FCER1A: variants seen among roughly 807,000 people sequenced by gnomAD.
The protein encoded by FCER1A is high affinity immunoglobulin epsilon receptor subunit alpha.
Under a neutral mutation model 23.6 loss-of-function variants are expected in FCER1A, and 24 were observed. The observed-to-expected ratio is 1.02, with a 90% CI of 0.74 to 1.43. FCER1A has a LOEUF of 1.43. Ranked by LOEUF, FCER1A falls within the 40% of genes most tolerant of loss-of-function variation. The pLI is 0.00. For missense variants in FCER1A, 318 were observed against 294.5 expected (o/e 1.08, Z -0.58); for synonymous variants, 121 against 108.8 (o/e 1.11, Z -0.70).
In FCER1A at chr1:159,303,943, A is replaced by G. The variant is rs1307481439; in HGVS notation, c.92A>G (p.Lys31Arg). ...DGVLAVPQKPKVSLNPPWNRI... is the reference protein window; with the variant it reads ...DGVLAVPQKPRVSLNPPWNRI... Reference sequence around the variant, plus strand: ...CTTCTTGAAGTCCCTCAGAAACCTAAGGTCTCCTTGAACCCTCCATGGAAT... The same window carrying G: ...CTTCTTGAAGTCCCTCAGAAACCTAGGGTCTCCTTGAACCCTCCATGGAAT... Residue 31 changes from lysine to arginine, a missense_variant, in exon 3 of 5, where the codon AAG (lysine) becomes AGG (arginine). Physicochemically the swap from Lys to Arg is conservative, Grantham distance 26. Transcript: ENST00000693622. 1 of 1,611,940 alleles carries G rather than the reference A, an allele frequency of 6.2e-7. No homozygotes were observed. Among genetic ancestry groups the G allele is most frequent in the East Asian group, 2.2e-5 (1 of 44,852 alleles).
rs1273347243 is a variant in FCER1A at position 159,303,950 on chromosome 1, C to CT, written c.101dup (p.Leu34PhefsTer7). ...AAGTCCCTCAGAAACCTAAGGTCTC[C>CT]TTGAACCCTCCATGGAATAGAATAT... On this transcript the variant is annotated frameshift_variant, in exon 3 of 5. Coordinates refer to ENST00000693622, the MANE Select transcript of FCER1A (RefSeq NM_001387280.1). LOFTEE classifies it high-confidence loss of function. 1 of 1,612,826 alleles carries CT rather than the reference C, an allele frequency of 6.2e-7. No individual in the cohort carries two copies. Among genetic ancestry groups the CT allele is most frequent in the Non-Finnish European group, 8.5e-7 (1 of 1,178,918 alleles).
chr1:159,306,334 G>A (rs2102234527), intron 4 of FCER1A, 89 bp downstream of exon 4: 1 of 1,303,414 alleles, frequency 7.7e-7, no homozygotes, highest in Non-Finnish European at 1.1e-6. Flanking sequence ...TGTAGAAGGG[G>A]GGCACCTGTG....
rs537197465 is a variant in FCER1A at position 159,306,188 on chromosome 1, G to T, written c.532G>T (p.Gly178Cys). ...AGACAGTGGAACCTACTACTGTACG[G>T]GCAAAGTGTGGCAGCTGGACTATGA... Reference protein sequence around the residue: ...VEDSGTYYCTGKVWQLDYESE... With the variant: ...VEDSGTYYCTCKVWQLDYESE... Residue 178 changes from glycine (G) to cysteine (C), a missense_variant, in exon 4 of 5, where the codon GGC (glycine) becomes TGC (cysteine). Gly to Cys is a radical substitution (Grantham distance 159, BLOSUM62 -3). Transcript: ENST00000693622. The T allele has an allele frequency of 6.2e-7, 1 of 1,613,878 alleles. No individual in the cohort carries two copies. The highest frequency in any genetic ancestry group is 1.7e-5 in the Admixed American group (1 of 60,006).
intron 1 of FCER1A, among the ~76,000 whole-genome samples, chr1:159,292,949 A>G (rs1571075827): frequency 6.6e-6 from 1 of 152,014 alleles, no homozygotes; most frequent in East Asian, 1.9e-4. Context: ...TCTCGGTGCC[A>G]CCTCGGGAAT....
In FCER1A at chr1:159,306,251, T is replaced by A; in HGVS notation, c.589+6T>A. 1 of 1,611,368 alleles carries A rather than the reference T, an allele frequency of 6.2e-7. No individual in the cohort carries two copies. Among genetic ancestry groups the A allele is most frequent in the Non-Finnish European group, 8.5e-7 (1 of 1,178,626 alleles). On this transcript the variant is annotated splice_donor_region_variant and intron_variant, in intron 4 of 4. Transcript: ENST00000693622. ...CAACATTACTGTAATAAAAGGTGAG[T>A]TGGTAAAGGAAAGGAAAAGCATCCA...
rs1652483482 is a variant in FCER1A at position 159,302,981 on chromosome 1, C to T, written c.76+107C>T. On this transcript the variant is annotated intron_variant, in intron 2 of 4. Transcript: ENST00000693622. Reference sequence around the variant, plus strand: ...CTTCTGCTTTCTAATGAGCATGAATCTGTTCCTTGGCCAGACTACTTTCCC... The same window carrying T: ...CTTCTGCTTTCTAATGAGCATGAATTTGTTCCTTGGCCAGACTACTTTCCC... 9 of 1,111,850 alleles carry T rather than the reference C, an allele frequency of 8.1e-6. No individual in the cohort carries two copies. The Admixed American group carries it at 1.5e-4, about 19-fold the overall frequency. The allele number at this position is 1,111,850 out of a possible 1,614,324, so 68.9% of individuals were successfully genotyped here. A position where few individuals can be genotyped will look rare whatever the true frequency, so the allele number is the denominator to read the frequency against.
chr1:159,303,755 A>G (rs930767834), intron 2 of FCER1A, among the ~76,000 whole-genome samples, 173 bp from the exon 3 acceptor site: 9 of 152,196 alleles, frequency 5.9e-5, no homozygotes, highest in African/African-American at 2.2e-4. Context: ...TGGGGCACCA[A>G]TACTAATTTC....
chr1:159,304,270 A>T, intron 3 of FCER1A, 88 bp downstream of exon 3: 1 of 1,312,842 alleles, frequency 7.6e-7, no homozygotes, highest in Non-Finnish European at 1.1e-6. Flanking sequence ...TCCAAGGGTT[A>T]GGACACCAGA....
intron 2 of FCER1A, 71 bp downstream of exon 2, chr1:159,302,945 T>G: frequency 7.1e-7 from 1 of 1,399,766 alleles, no homozygotes; most frequent in Non-Finnish European, 1.0e-6. Flanking sequence ...ACTATTTTCT[T>G]CGTCCCATCA....
intron 3 of FCER1A, among the ~76,000 whole-genome samples, chr1:159,305,600 A>G (rs576853898): frequency 3.3e-5 from 5 of 152,368 alleles, no homozygotes; most frequent in Non-Finnish European, 5.9e-5. Context: ...GGAAGTTTCT[A>G]TAAGGTAAGA....
chr1:159,305,864 C>A (rs952448642), intron 3 of FCER1A, 124 bp from the exon 4 acceptor site: 3 of 859,332 alleles, frequency 3.5e-6, no homozygotes, highest in Non-Finnish European at 5.3e-6. Context: ...CTTTATGAGC[C>A]AAAAAGTGAG....
upstream of FCER1A, among the ~76,000 whole-genome samples, chr1:159,301,273 A>G (rs1652423132): frequency 1.3e-5 from 2 of 152,210 alleles, no homozygotes; most frequent in African/African-American, 4.8e-5. Context: ...TGCAAATGAC[A>G]AGCCACTATA....
upstream of FCER1A, among the ~76,000 whole-genome samples, chr1:159,299,224 C>T (rs1180331438): frequency 6.6e-6 from 1 of 152,176 alleles, no homozygotes; most frequent in Non-Finnish European, 1.5e-5. Context: ...ATATCACGAG[C>T]AGACAGGCAT....
chr1:159,285,565 A>G (rs1651995566), upstream of FCER1A, among the ~76,000 whole-genome samples: 1 of 151,652 alleles, frequency 6.6e-6, no homozygotes, highest in Non-Finnish European at 1.5e-5. Flanking sequence ...TGGTGTATAT[A>G]TCAGTTTAAT....
chr1:159,298,333 G>A (rs72713640), upstream of FCER1A, among the ~76,000 whole-genome samples: 624 of 152,270 alleles, frequency 4.1e-3, 1 homozygote, highest in Non-Finnish European at 6.8e-3. Flanking sequence ...GGGCCTAGTT[G>A]GAAGTGTTTG....
At chr1:159,307,463 G>T (rs1213695035) in intron 4 of FCER1A, among the ~76,000 whole-genome samples, 1 of 152,084 alleles carries the variant, frequency 6.6e-6, no homozygotes, top group African/African-American at 2.4e-5. Context: ...TTGTCATTTC[G>T]AATAAGGGGT....
upstream of FCER1A, among the ~76,000 whole-genome samples, chr1:159,284,931 T>A (rs1167655843): frequency 6.6e-6 from 1 of 152,240 alleles, no homozygotes. Context: ...ATGCTCTTTA[T>A]AATAATATGG....
upstream of FCER1A, among the ~76,000 whole-genome samples, chr1:159,285,582 A>G (rs1651996026): frequency 6.6e-6 from 1 of 151,662 alleles, no homozygotes; most frequent in Non-Finnish European, 1.5e-5. Flanking sequence ...TAATATATAT[A>G]TAAATTATAA....
Position 159,308,000 on chromosome 1 carries a change from C to A in FCER1A, c.*68C>A. 8.6e-7 allele frequency: 1 copy of A among 1,162,104 alleles called. No homozygotes were observed. Among genetic ancestry groups the A allele is most frequent in the South Asian group, 1.5e-5 (1 of 65,890 alleles). 72.0% of individuals were successfully genotyped at this position (1,162,104 alleles called of 1,614,324 possible). A position where few individuals can be genotyped will look rare whatever the true frequency, so the allele number is the denominator to read the frequency against. On this transcript the variant is annotated 3_prime_UTR_variant, in exon 5 of 5. Coordinates refer to ENST00000693622, the MANE Select transcript of FCER1A (RefSeq NM_001387280.1). The stretch of plus-strand genomic sequence containing the variant: ...GCATCAGCAATTGCTACTCAATTGT[C>A]AAACACAGCTTGCAATATACATAGA...
Sources: allele counts gnomAD v4.1 joint callset (sites outside exome capture counted in the v4.1 genomes callset), GRCh38; gene constraint gnomAD v4.1.1; transcripts MANE v1.5; gene names NCBI Gene and HGNC (gene_info 2026-07-23, HGNC 2026-07-21).